Variants in CADM2 observed in about 807,000 individuals in gnomAD.
CADM2 encodes cell adhesion molecule 2.
Under a neutral mutation model 49.8 loss-of-function variants are expected in CADM2, and 12 were observed. That is an observed-to-expected ratio of 0.24 (90% confidence interval 0.15 to 0.39). CADM2 has a LOEUF of 0.39. Among genes scored for constraint, CADM2 ranks in the 10% least tolerant of loss-of-function variants. CADM2 has a pLI of 1.00. For synonymous variants in CADM2, 214 were observed against 175.4 expected (o/e 1.22, Z -1.74); for missense variants, 378 against 492.3 (o/e 0.77, Z 2.20).
chr3:85,209,553 C>T (rs913157526), intron 1 of CADM2, among the ~76,000 whole-genome samples: 2 of 152,186 alleles, frequency 1.3e-5, no homozygotes, highest in Middle Eastern at 6.8e-3. Context: ...ATTGATATTA[C>T]TTCCCATCAT....
chr3:85,991,786 T>C (rs1302730833), intron 8 of CADM2, among the ~76,000 whole-genome samples: 1 of 152,132 alleles, frequency 6.6e-6, no homozygotes, highest in Non-Finnish European at 1.5e-5. Flanking sequence ...TTTGGACTTA[T>C]TAATATTAAT....
chr3:85,676,698 T>C (rs2065895293), intron 1 of CADM2, among the ~76,000 whole-genome samples: 1 of 152,138 alleles, frequency 6.6e-6, no homozygotes, highest in Non-Finnish European at 1.5e-5. Context: ...TAAAAAAACA[T>C]GCGTAATACT....
At chr3:85,428,869 T>C (rs1479289205) in intron 1 of CADM2, among the ~76,000 whole-genome samples, 1 of 151,608 alleles carries the variant, frequency 6.6e-6, no homozygotes, top group Non-Finnish European at 1.5e-5. Context: ...ATTGATAGTA[T>C]TAGGAGTCAC....
intron 1 of CADM2, among the ~76,000 whole-genome samples, chr3:85,271,315 CTCA>C (rs1413455303): frequency 6.6e-6 from 1 of 151,172 alleles, no homozygotes; most frequent in Non-Finnish European, 1.5e-5. Context: ...GTTTACTGTA[CTCA>C]TCAAGGACAA....
intron 1 of CADM2, among the ~76,000 whole-genome samples, chr3:85,348,442 T>G (rs1287902332): frequency 6.6e-6 from 1 of 152,208 alleles, no homozygotes; most frequent in African/African-American, 2.4e-5. Flanking sequence ...CTCAGTCAAG[T>G]TACACATAAA....
chr3:85,510,966 C>T (rs1292796632), intron 1 of CADM2, among the ~76,000 whole-genome samples: 2 of 151,948 alleles, frequency 1.3e-5, no homozygotes, highest in African/African-American at 4.8e-5. Context: ...AAGGGTTATA[C>T]AAGAGTAAGC....
intron 1 of CADM2, among the ~76,000 whole-genome samples, chr3:85,135,383 T>C (rs1286031499): frequency 3.3e-5 from 5 of 152,090 alleles, no homozygotes; most frequent in Non-Finnish European, 7.4e-5. Context: ...TGTTATATAA[T>C]GAGGGGTACT....
chr3:85,613,864 G>C (rs2063735977), intron 1 of CADM2, among the ~76,000 whole-genome samples: 1 of 151,598 alleles, frequency 6.6e-6, no homozygotes, highest in African/African-American at 2.4e-5. Flanking sequence ...ATGCTTCCAA[G>C]CAATGAGCCC....
At chr3:86,045,415 G>A (rs1335180122) in intron 8 of CADM2, among the ~76,000 whole-genome samples, 1 of 151,974 alleles carries the variant, frequency 6.6e-6, no homozygotes, top group Non-Finnish European at 1.5e-5. Context: ...ATAAAGGCAG[G>A]CATTACATTG....
intron 1 of CADM2, among the ~76,000 whole-genome samples, chr3:85,653,139 A>C (rs1285989949): frequency 1.3e-5 from 2 of 151,504 alleles, no homozygotes; most frequent in Non-Finnish European, 2.9e-5. Flanking sequence ...GAGATTCTGC[A>C]TGTTTAACAA....
intron 3 of CADM2, among the ~76,000 whole-genome samples, chr3:85,808,382 CAG>C (rs1490360416): frequency 1.3e-5 from 2 of 151,804 alleles, no homozygotes; most frequent in Admixed American, 6.6e-5. Flanking sequence ...TATAGGGAGA[CAG>C]AGCAAGTGGG....
chr3:85,052,188 A>G (rs552590605), intron 1 of CADM2, among the ~76,000 whole-genome samples: 14 of 152,254 alleles, frequency 9.2e-5, no homozygotes, highest in South Asian at 2.1e-4. Context: ...TTATGATTCA[A>G]CTGTGATTGA....
chr3:85,022,822 C>A (rs1015457091), intron 1 of CADM2, among the ~76,000 whole-genome samples: 32 of 152,036 alleles, frequency 2.1e-4, no homozygotes, highest in African/African-American at 7.2e-4. Flanking sequence ...AATAATACTC[C>A]TCATCTAATT....
At chr3:85,101,409 G>A (rs79353140) in intron 1 of CADM2, among the ~76,000 whole-genome samples, 5,330 of 152,028 alleles carry the variant, frequency 0.035, 339 homozygotes, top group African/African-American at 0.12. Context: ...ATATTATAAC[G>A]TATAAAGGCC....
intron 2 of CADM2, among the ~76,000 whole-genome samples, chr3:85,779,210 A>G (rs78178686): frequency 0.052 from 7,887 of 151,792 alleles, 562 homozygotes; most frequent in African/African-American, 0.16. Context: ...TTTTTTTTTA[A>G]TCAATGCAAT....
intron 1 of CADM2, among the ~76,000 whole-genome samples, chr3:85,247,418 A>G (rs2042675060): frequency 6.6e-6 from 1 of 152,172 alleles, no homozygotes; most frequent in South Asian, 2.1e-4. Flanking sequence ...AGTTTTAACT[A>G]AGAGAAGCAC....
chr3:85,217,527 A>C (rs891843314), intron 1 of CADM2, among the ~76,000 whole-genome samples: 15 of 152,048 alleles, frequency 9.9e-5, no homozygotes, highest in Non-Finnish European at 1.5e-4. Context: ...ATTAATACCA[A>C]TTCACCTACA....
intron 1 of CADM2, among the ~76,000 whole-genome samples, chr3:85,287,246 A>G (rs2043655568): frequency 6.6e-6 from 1 of 151,928 alleles, no homozygotes; most frequent in Non-Finnish European, 1.5e-5. Flanking sequence ...AATTCCAACT[A>G]TAAACTACTG....
chr3:85,552,348 A>G (rs1037287714), intron 1 of CADM2, among the ~76,000 whole-genome samples: 1 of 150,000 alleles, frequency 6.7e-6, no homozygotes, highest in African/African-American at 2.5e-5. Context: ...ACTTAAAATA[A>G]TTAAATCACT....
Sources: allele counts gnomAD v4.1 joint callset (sites outside exome capture counted in the v4.1 genomes callset), GRCh38; gene constraint gnomAD v4.1.1; transcripts MANE v1.5; gene names NCBI Gene and HGNC (gene_info 2026-07-23, HGNC 2026-07-21).